Variants in CPNE5 observed in about 807,000 individuals in gnomAD.
CPNE5 encodes the protein copine-5.
In CPNE5, 42 loss-of-function variants were observed where a neutral mutation model predicts 81.1. The ratio of observed to expected loss-of-function variants is 0.52; its 90% CI spans 0.40 to 0.67. CPNE5 has a LOEUF of 0.67. Ranked by LOEUF, CPNE5 falls within the 30% of genes least tolerant of loss-of-function variation. The pLI is 0.00. For synonymous variants in CPNE5, 313 were observed against 321.5 expected (o/e 0.97, Z 0.28); for missense variants, 612 against 815.5 (o/e 0.75, Z 3.04).
rs377650787 is a variant in CPNE5, at chr6:36,810,334, G to A, written c.184-10264C>T. ...CTCACAAGCTGCTCACCCTTCCCCA[G>A]CCGTAGATCCCTCAATACTTTTCAT... On this transcript the variant is annotated intron_variant, in intron 3 of 20. Transcript: ENST00000244751. Among the ~76,000 whole-genome samples, 54 of 152,310 alleles carry A rather than the reference G, an allele frequency of 3.5e-4. 1 individual carries two copies. The South Asian group carries it at 0.011, about 31-fold the overall frequency.
intron 10 of CPNE5, among the ~76,000 whole-genome samples, chr6:36,774,231 A>G (rs1002954376): frequency 7.2e-5 from 11 of 152,108 alleles, no homozygotes; most frequent in Admixed American, 2.0e-4. Context: ...AAAATAAAAA[A>G]TTAGCTGGGC....
chr6:36,839,508 C>T, upstream of CPNE5: 1 of 658,358 alleles, frequency 1.5e-6, no homozygotes, highest in Non-Finnish European at 2.4e-6. This position sits in a 1 kb window ranked among gnomAD's most constrained non-coding sequence, Gnocchi z 7.3. Context: ...GAGAGAGGAG[C>T]GCGAAGAGGG....
chr6:36,824,804 G>A (rs1001760824), intron 1 of CPNE5, among the ~76,000 whole-genome samples: 3 of 152,076 alleles, frequency 2.0e-5, no homozygotes, highest in African/African-American at 4.8e-5. Flanking sequence ...AAATTAGCCC[G>A]GCATGGTGGT....
At chr6:36,783,378 TAAAAAA>T (rs36056853) in intron 8 of CPNE5, among the ~76,000 whole-genome samples, 4 of 118,482 alleles carry the variant, frequency 3.4e-5, no homozygotes, top group Non-Finnish European at 7.0e-5. Context: ...GCAGTAAAAG[TAAAAAA>T]AAAAAAAAAA....
At chr6:36,797,743 T>C (rs1375223835) in intron 6 of CPNE5, among the ~76,000 whole-genome samples, 1 of 152,190 alleles carries the variant, frequency 6.6e-6, no homozygotes, top group Non-Finnish European at 1.5e-5. Context: ...AGCTCTGGCC[T>C]ACAAGCTGTG....
At chr6:36,750,664 C>A (rs1213682231) in intron 14 of CPNE5, among the ~76,000 whole-genome samples, 3 of 152,188 alleles carry the variant, frequency 2.0e-5, no homozygotes, top group Non-Finnish European at 4.4e-5. Context: ...TTTGTTGTCA[C>A]CCCCGCTTCA....
rs530575527 is a variant in CPNE5 at position 36,793,796 on chromosome 6, A to G, written c.464+794T>C. Among the ~76,000 whole-genome samples, 13 of 152,128 alleles carry G rather than the reference A, an allele frequency of 8.5e-5. No individual in the cohort carries two copies. The East Asian group carries it at 2.3e-3, about 27-fold the overall frequency. ...GGCATATCCAGCTGCTGCAACCTCA[A>G]TTCCTGAGAGCTCTCAGGGAAGGCC... On this transcript the variant is annotated intron_variant, in intron 7 of 20. Transcript: ENST00000244751.
chr6:36,780,086 C>T (rs1562129045), intron 8 of CPNE5, among the ~76,000 whole-genome samples: 2 of 152,068 alleles, frequency 1.3e-5, no homozygotes, highest in Non-Finnish European at 2.9e-5. Context: ...TGCTCAGCCT[C>T]CCGAGTAGCT....
chr6:36,788,226 CGG>C (rs143979934), intron 8 of CPNE5, among the ~76,000 whole-genome samples: 3 of 148,414 alleles, frequency 2.0e-5, no homozygotes, highest in African/African-American at 7.4e-5. Context: ...TAGAGATGGT[CGG>C]GGGGGGGTCT....
At chr6:36,765,750 C>G (rs911830889) in intron 10 of CPNE5, among the ~76,000 whole-genome samples, 6 of 151,844 alleles carry the variant, frequency 4.0e-5, no homozygotes, top group African/African-American at 1.2e-4. Context: ...GTGTGGTGCT[C>G]CCTGGATCTC....
At chr6:36,758,218 A>G (rs1031561207) in intron 12 of CPNE5, among the ~76,000 whole-genome samples, 4 of 152,224 alleles carry the variant, frequency 2.6e-5, no homozygotes, top group Admixed American at 1.3e-4. Context: ...TGAGGATTAA[A>G]TGGGCCAATG....
chr6:36,839,561 GC>G (rs1773845111), upstream of CPNE5: 1 of 501,244 alleles, frequency 2.0e-6, no homozygotes, highest in Non-Finnish European at 3.5e-6. The surrounding 1 kb of genome is among the most constrained non-coding windows in gnomAD (Gnocchi z 7.3). Context: ...GGGAGCGGGG[GC>G]CGCGGATCGA....
At chr6:36,750,823 G>A (rs1764731898) in intron 14 of CPNE5, among the ~76,000 whole-genome samples, 1 of 152,198 alleles carries the variant, frequency 6.6e-6, no homozygotes, top group African/African-American at 2.4e-5. Flanking sequence ...TCCAAATACA[G>A]GGTGAGGGGA....
At chr6:36,752,161 G>T (rs1048762057) in intron 14 of CPNE5, among the ~76,000 whole-genome samples, 4 of 152,240 alleles carry the variant, frequency 2.6e-5, no homozygotes, top group African/African-American at 9.6e-5. Flanking sequence ...GCAGCCAAGG[G>T]TCCACTTGGC....
intron 3 of CPNE5, among the ~76,000 whole-genome samples, chr6:36,809,584 A>T (rs1007083356): frequency 6.6e-6 from 1 of 152,178 alleles, no homozygotes; most frequent in African/African-American, 2.4e-5. Flanking sequence ...TCAAAAACAA[A>T]AAAACAAACA....
chr6:36,772,180 C>A (rs973555636), intron 10 of CPNE5, among the ~76,000 whole-genome samples: 5 of 152,186 alleles, frequency 3.3e-5, no homozygotes, highest in Admixed American at 1.3e-4. Context: ...CCAATTCCTT[C>A]TGCCCTGTGA....
At chr6:36,791,453 T>C (rs1447548149) in intron 8 of CPNE5, among the ~76,000 whole-genome samples, 1 of 152,128 alleles carries the variant, frequency 6.6e-6, no homozygotes, top group Non-Finnish European at 1.5e-5. Context: ...AATTATGAGG[T>C]CCCCTGAGCC....
At chr6:36,756,947 C>T (rs1254501296) in intron 12 of CPNE5, among the ~76,000 whole-genome samples, 1 of 152,172 alleles carries the variant, frequency 6.6e-6, no homozygotes, top group Non-Finnish European at 1.5e-5. Context: ...GCGATTTTAC[C>T]CCCAGGAACG....
intron 20 of CPNE5, 60 bp downstream of exon 20, chr6:36,743,629 G>A (rs3213534): frequency 0.33 from 508,270 of 1,523,048 alleles, 88,002 homozygotes; most frequent in Non-Finnish European, 0.36. Context: ...GGGGTGTGAG[G>A]TCCGCCTGGC....
Sources: gnomAD v4.1 joint callset for allele counts (sites outside exome capture counted in the v4.1 genomes callset) on GRCh38, gnomAD v4.1.1 for gene constraint, Gnocchi (gnomAD v3.1) non-coding constraint, MANE v1.5 for transcripts, NCBI Gene and HGNC (gene_info 2026-07-23, HGNC 2026-07-21) for gene names.